SBSPON: variants seen among roughly 807,000 people sequenced by gnomAD.
The protein encoded by SBSPON is somatomedin B and thrombospondin type 1 domain containing, also known as somatomedin-B and thrombospondin type-1 domain-containing protein.
A neutral mutation model predicts 35.8 loss-of-function variants in SBSPON; 30 were observed. The ratio of observed to expected loss-of-function variants is 0.84; its 90% CI spans 0.63 to 1.14. SBSPON has a LOEUF of 1.14. Among genes scored for constraint, SBSPON ranks in the 50% most tolerant of loss-of-function variants. SBSPON has a pLI of 0.00. For synonymous variants in SBSPON, 136 were observed against 135.9 expected (o/e 1.00, Z 0.00); for missense variants, 364 against 357.7 (o/e 1.02, Z -0.14).
chr8:73,090,058 A>G (rs1379012050), intron 1 of SBSPON, among the ~76,000 whole-genome samples: 2 of 152,180 alleles, frequency 1.3e-5, no homozygotes, highest in African/African-American at 4.8e-5. Flanking sequence ...TTGTCTTTTT[A>G]GTAGAAATAG....
In SBSPON at chr8:73,074,641, A is replaced by G. The variant is rs181575693; in HGVS notation, c.410-2771T>C. ...ACTGTTTGCAGCATCTTTCCCATGA[A>G]TTATTTAAATTTGGCTTTATTTTCC... On this transcript the variant is annotated intron_variant, in intron 2 of 4. Coordinates refer to ENST00000297354, the MANE Select transcript of SBSPON (RefSeq NM_153225.4). 4 of 892,864 alleles carry G rather than the reference A, an allele frequency of 4.5e-6. No individual in the cohort carries two copies. The Admixed American group carries it at 2.5e-4, about 55-fold the overall frequency. 55.3% of individuals were successfully genotyped at this position (892,864 alleles called of 1,614,324 possible).
chr8:73,087,873 C>T (rs1810863096), intron 1 of SBSPON, among the ~76,000 whole-genome samples: 1 of 152,218 alleles, frequency 6.6e-6, no homozygotes, highest in African/African-American at 2.4e-5. Context: ...AGGAACCCAG[C>T]TGGAGAATCA....
At chr8:73,077,803 C>T (rs530684386) in intron 2 of SBSPON, among the ~76,000 whole-genome samples, 26 of 152,136 alleles carry the variant, frequency 1.7e-4, no homozygotes, top group Admixed American at 3.9e-4. Flanking sequence ...TTTAGTGGGA[C>T]GCTCCATAGA....
rs377146336 is a variant in SBSPON, at chr8:73,081,174, C to G, written c.254G>C (p.Gly85Ala). 6.2e-7 allele frequency: 1 copy of G among 1,605,240 alleles called. No individual in the cohort carries two copies. The highest frequency in any genetic ancestry group is 8.5e-7 in the Non-Finnish European group (1 of 1,175,062). ...TGTAGGCTTGCACTGGTCTGCACAA[C>G]CACTCCAGGGGCTCCATTCCCCCAC... is the stretch of plus-strand genomic sequence containing the variant. ...CFVGEWSPWS[G>A]CADQCKPTTR... The change falls in exon 2 of 5, where the codon GGT (glycine) becomes GCT (alanine). Residue 85 changes from glycine to alanine, a missense_variant. Gly to Ala is a moderately conservative substitution (Grantham distance 60). Transcript: ENST00000297354.
chr8:73,067,967 A>G (rs1252207804), intron 4 of SBSPON, among the ~76,000 whole-genome samples: 1 of 151,756 alleles, frequency 6.6e-6, no homozygotes, highest in African/African-American at 2.4e-5. Context: ...GGGTTACTGT[A>G]TTTGCTTTTC....
chr8:73,075,951 CAG>C (rs1810587112), intron 2 of SBSPON, among the ~76,000 whole-genome samples: 1 of 152,046 alleles, frequency 6.6e-6, no homozygotes, highest in African/African-American at 2.4e-5. Context: ...TTAAATGAAA[CAG>C]GAAAAAGGAA....
intron 2 of SBSPON, among the ~76,000 whole-genome samples, chr8:73,072,271 GATA>G (rs368368712): frequency 4.8e-5 from 7 of 145,674 alleles, no homozygotes; most frequent in African/African-American, 1.7e-4. Flanking sequence ...GGAGAAATAA[GATA>G]ATAAAAGAAT....
chr8:73,080,511 T>A (rs1310261261), intron 2 of SBSPON, among the ~76,000 whole-genome samples: 1 of 152,124 alleles, frequency 6.6e-6, no homozygotes, highest in African/African-American at 2.4e-5. Context: ...CGAGACTCTG[T>A]CTCAAAAATA....
chr8:73,073,310 G>A (rs908828707), intron 2 of SBSPON, among the ~76,000 whole-genome samples: 5 of 152,174 alleles, frequency 3.3e-5, no homozygotes, highest in South Asian at 2.1e-4. Flanking sequence ...ATTCCAGGAA[G>A]GGTAGATACA....
chr8:73,073,318 A>G (rs2129996782), intron 2 of SBSPON, among the ~76,000 whole-genome samples: 1 of 152,336 alleles, frequency 6.6e-6, no homozygotes, highest in East Asian at 1.9e-4. Flanking sequence ...AAGGGTAGAT[A>G]CAAGCTGATA....
intron 1 of SBSPON, among the ~76,000 whole-genome samples, chr8:73,082,917 G>C (rs1810737511): frequency 6.6e-6 from 1 of 152,116 alleles, no homozygotes; most frequent in Admixed American, 6.5e-5. Flanking sequence ...ACTTAATATT[G>C]CATAAAAAGA....
intron 2 of SBSPON, among the ~76,000 whole-genome samples, chr8:73,073,324 T>C (rs1005449620): frequency 1.1e-4 from 17 of 152,198 alleles, no homozygotes; most frequent in Admixed American, 2.0e-4. Flanking sequence ...AGATACAAGC[T>C]GATATCAACT....
rs73316108 is a variant in SBSPON at position 73,083,572 on chromosome 8, A to G, written c.215-2359T>C. Among the ~76,000 whole-genome samples, 362 of 152,332 alleles carry G rather than the reference A, an allele frequency of 2.4e-3. 3 individuals are homozygous for G. The highest frequency in any genetic ancestry group is 8.4e-3 in the African/African-American group (349 of 41,572). ...CTGACAGATTTATTTCAAGTCATTT[A>G]TTACAGCTGCCTGACACAGATTTCC... is the stretch of plus-strand genomic sequence containing the variant. On this transcript the variant is annotated intron_variant, in intron 1 of 4. Coordinates refer to ENST00000297354, the MANE Select transcript of SBSPON (RefSeq NM_153225.4).
intron 1 of SBSPON, among the ~76,000 whole-genome samples, chr8:73,089,453 A>G (rs367746652): frequency 1.0e-3 from 154 of 151,978 alleles, no homozygotes; most frequent in African/African-American, 3.6e-3. Flanking sequence ...CTACTCAGGA[A>G]GCTGAGGCAG....
Position 73,071,758 on chromosome 8 carries a change from A to T in SBSPON, c.500+22T>A, listed in dbSNP as rs397831785. 8.3e-4 allele frequency: 1,193 copies of T among 1,444,598 alleles called. 3 individuals are homozygous for T. Among genetic ancestry groups the T allele is most frequent in the Middle Eastern group, 1.6e-3 (9 of 5,648 alleles). The allele number at this position is 1,444,598 out of a possible 1,614,324, so 89.5% of individuals were successfully genotyped here. A position where few individuals can be genotyped will look rare whatever the true frequency, so the allele number is the denominator to read the frequency against. On this transcript the variant is annotated intron_variant, in intron 3 of 4. Transcript: ENST00000297354. ...ATACAATTGAAAAACATGATTAAAAAAAAAAAAAAACACGAAATTACCCAG... is the reference window on the plus strand; with the variant it reads ...ATACAATTGAAAAACATGATTAAAATAAAAAAAAAACACGAAATTACCCAG...
intron 2 of SBSPON, among the ~76,000 whole-genome samples, chr8:73,074,167 T>C (rs1226844980): frequency 1.3e-5 from 2 of 152,248 alleles, no homozygotes; most frequent in African/African-American, 4.8e-5. Flanking sequence ...AGTCCACCTG[T>C]AATTTTTTGG....
At chr8:73,084,020 A>G (rs1030887470) in intron 1 of SBSPON, among the ~76,000 whole-genome samples, 4 of 152,262 alleles carry the variant, frequency 2.6e-5, no homozygotes, top group African/African-American at 9.6e-5. Flanking sequence ...CAAGCACCAT[A>G]CAGGAGTGGA....
At chr8:73,071,108 C>T (rs1358505383) in intron 3 of SBSPON, among the ~76,000 whole-genome samples, 1 of 152,194 alleles carries the variant, frequency 6.6e-6, no homozygotes, top group Non-Finnish European at 1.5e-5. Context: ...CCTCCTGCTC[C>T]AGCCTCCCAA....
chr8:73,086,681 C>T (rs953903647), intron 1 of SBSPON, among the ~76,000 whole-genome samples: 9 of 152,012 alleles, frequency 5.9e-5, no homozygotes, highest in Non-Finnish European at 1.2e-4. Flanking sequence ...TGGCTAGTTC[C>T]TGAAGTACTA....
Sources: gnomAD v4.1 joint callset for allele counts (sites outside exome capture counted in the v4.1 genomes callset) on GRCh38, gnomAD v4.1.1 for gene constraint, MANE v1.5 for transcripts, NCBI Gene and HGNC (gene_info 2026-07-23, HGNC 2026-07-21) for gene names.